Variants in EPHA6 observed in about 807,000 individuals in gnomAD.
EPHA6 encodes the protein EPH receptor A6.
Under a neutral mutation model 112.0 loss-of-function variants are expected in EPHA6, and 50 were observed. That is an observed-to-expected ratio of 0.45 (90% CI 0.36 to 0.56). The LOEUF (loss-of-function observed/expected upper bound fraction) is 0.56, where lower values mean the gene tolerates loss of function less well. Ranked by LOEUF, EPHA6 falls within the 20% of genes least tolerant of loss-of-function variation. EPHA6 has a pLI of 0.00. For missense variants in EPHA6, 1,280 were observed against 1,417.4 expected (o/e 0.90, Z 1.56); for synonymous variants, 529 against 490.7 (o/e 1.08, Z -1.03).
At chr3:97,036,081 C>T (rs1378142752) in intron 3 of EPHA6, among the ~76,000 whole-genome samples, 7 of 151,912 alleles carry the variant, frequency 4.6e-5, no homozygotes, top group African/African-American at 1.2e-4. Flanking sequence ...CACCAAATAC[C>T]GAATATGCCA....
At chr3:97,515,210 A>G (rs1482613010) in intron 10 of EPHA6, among the ~76,000 whole-genome samples, 1 of 152,202 alleles carries the variant, frequency 6.6e-6, no homozygotes, top group African/African-American at 2.4e-5. Context: ...CAGTAGCCTG[A>G]TTGTGGGAGG....
At chr3:97,411,418 A>G (rs2087709215) in intron 6 of EPHA6, among the ~76,000 whole-genome samples, 2 of 152,232 alleles carry the variant, frequency 1.3e-5, no homozygotes, top group South Asian at 2.1e-4. Flanking sequence ...CTGCAAACAC[A>G]TGAAAATTAC....
chr3:97,119,116 C>T (rs2047973514), intron 3 of EPHA6, among the ~76,000 whole-genome samples: 1 of 151,936 alleles, frequency 6.6e-6, no homozygotes. Context: ...ATTGTGTTAG[C>T]CAGGCTCCCA....
At position 96,988,002 on chromosome 3, in the gene EPHA6, C is replaced by T. The variant is rs767773758; in HGVS notation, c.1114+9C>T. ...TGAGGGTTCTTGCCATGGTAAGAAA[C>T]AAACATTTAAATAATTTATCTTGCA... is the stretch of plus-strand genomic sequence containing the variant. On this transcript the variant is annotated intron_variant, in intron 3 of 17. Transcript: ENST00000389672. The T allele has an allele frequency of 6.5e-6, 10 of 1,528,380 alleles. No individual in the cohort carries two copies. Among genetic ancestry groups the T allele is most frequent in the Non-Finnish European group, 7.9e-6 (9 of 1,136,222 alleles). The allele number at this position is 1,528,380 out of a possible 1,614,324, so 94.7% of individuals were successfully genotyped here.
At chr3:97,668,413 C>T (rs961028977) in intron 14 of EPHA6, among the ~76,000 whole-genome samples, 28 of 152,224 alleles carry the variant, frequency 1.8e-4, no homozygotes, top group African/African-American at 6.5e-4. Context: ...GTCAGAAATC[C>T]TCAGATTCAC....
chr3:97,162,043 C>A (rs1365067371), intron 3 of EPHA6, among the ~76,000 whole-genome samples: 1 of 152,164 alleles, frequency 6.6e-6, no homozygotes, highest in Non-Finnish European at 1.5e-5. Flanking sequence ...ATATCAGGTA[C>A]AAGATGAAAC....
intron 11 of EPHA6, among the ~76,000 whole-genome samples, chr3:97,571,371 C>CT (rs1329342420): frequency 1.3e-5 from 2 of 149,972 alleles, no homozygotes; most frequent in African/African-American, 4.9e-5. Context: ...AAAAACCCTC[C>CT]TTAAAAAAAA....
chr3:97,456,730 T>TCAGGA (rs1178965185), intron 7 of EPHA6, among the ~76,000 whole-genome samples: 7 of 152,322 alleles, frequency 4.6e-5, no homozygotes, highest in Admixed American at 4.6e-4. Context: ...AGAGAGTTCC[T>TCAGGA]GATTTATGTC....
chr3:97,372,136 C>T (rs2085093034), intron 5 of EPHA6, among the ~76,000 whole-genome samples: 1 of 152,078 alleles, frequency 6.6e-6, no homozygotes, highest in Non-Finnish European at 1.5e-5. Context: ...CACTCCCTCC[C>T]CTTTTGAAAA....
intron 5 of EPHA6, among the ~76,000 whole-genome samples, chr3:97,402,166 T>C (rs1330394939): frequency 6.6e-6 from 1 of 152,092 alleles, no homozygotes; most frequent in Admixed American, 6.5e-5. Context: ...ATTAGTTAGG[T>C]CCATTTGGTC....
At chr3:96,928,063 C>A (rs926837725) in intron 2 of EPHA6, among the ~76,000 whole-genome samples, 1 of 152,184 alleles carries the variant, frequency 6.6e-6, no homozygotes, top group African/African-American at 2.4e-5. Context: ...GTCAGGAGAA[C>A]AGCATAGGGT....
chr3:97,624,562 T>G (rs2093840262), intron 13 of EPHA6, among the ~76,000 whole-genome samples: 1 of 151,562 alleles, frequency 6.6e-6, no homozygotes. Flanking sequence ...GTAATGTTCA[T>G]GGAATGAATC....
At chr3:97,162,188 T>G (rs2076430126) in intron 3 of EPHA6, among the ~76,000 whole-genome samples, 1 of 152,182 alleles carries the variant, frequency 6.6e-6, no homozygotes, top group Non-Finnish European at 1.5e-5. Flanking sequence ...GGAATCACCA[T>G]TCCTCCATCT....
At position 97,358,285 on chromosome 3, in the gene EPHA6, C is replaced by G. The variant is rs1019952234; in HGVS notation, c.1607-46865C>G. ...TTATTATGGGCATTACATCTAACATCCTGAAGTTACAACACTCTAATTTGA... is the reference window on the plus strand; with the variant it reads ...TTATTATGGGCATTACATCTAACATGCTGAAGTTACAACACTCTAATTTGA... On this transcript the variant is annotated intron_variant, in intron 5 of 17. Coordinates refer to ENST00000389672, the MANE Select transcript of EPHA6 (RefSeq NM_001080448.3). Among the ~76,000 whole-genome samples the G allele has an allele frequency of 1.3e-5, 2 of 151,836 alleles. 1 individual carries two copies. Among genetic ancestry groups the G allele is most frequent in the South Asian group, 4.2e-4 (2 of 4,804 alleles).
At chr3:97,392,768 A>G (rs1031064962) in intron 5 of EPHA6, among the ~76,000 whole-genome samples, 1 of 151,658 alleles carries the variant, frequency 6.6e-6, no homozygotes, top group Non-Finnish European at 1.5e-5. Context: ...TCATCTACTT[A>G]TTAATGACTT....
Position 97,315,283 on chromosome 3 carries a change from C to T in EPHA6, c.1606+70996C>T, listed in dbSNP as rs180895899. Among the ~76,000 whole-genome samples, 10 of 151,658 alleles carry T rather than the reference C, an allele frequency of 6.6e-5. No homozygotes were observed. In the South Asian group the frequency reaches 8.3e-4, roughly 13 times the overall value. On this transcript the variant is annotated intron_variant, in intron 5 of 17. Coordinates refer to ENST00000389672, the MANE Select transcript of EPHA6 (RefSeq NM_001080448.3). The stretch of plus-strand genomic sequence containing the variant: ...TTTTACAGTTTAAAATTAGGGATCA[C>T]GAGAAATAAAGTTTGTGTAAAGGAA...
In EPHA6 at chr3:97,756,262, C is replaced by G. The variant is rs1306817081; in HGVS notation, c.*7561C>G. Among the ~76,000 whole-genome samples, 1 of 151,858 alleles carries G rather than the reference C, an allele frequency of 6.6e-6. No individual in the cohort carries two copies. The highest frequency in any genetic ancestry group is 1.5e-5 in the Non-Finnish European group (1 of 67,824). On this transcript the variant is annotated 3_prime_UTR_variant, in exon 18 of 18. Transcript: ENST00000389672. ...TGCTCAAAATTGTAGCCTTTAGAAG[C>G]TCTATAACAAAAATCAATGGCCAAT...
rs563300427 is a variant in EPHA6 at position 97,757,171 on chromosome 3, A to C, written c.*8470A>C. The stretch of plus-strand genomic sequence containing the variant: ...ACAGTACAAAGAGGAGTTTGTTTTA[A>C]AATTGTTACTTACCTCATTTTAAAA... On this transcript the variant is annotated 3_prime_UTR_variant, in exon 18 of 18. Transcript: ENST00000389672. Among the ~76,000 whole-genome samples the C allele has an allele frequency of 2.8e-4, 42 of 151,968 alleles. 1 individual carries two copies. The South Asian group carries it at 8.5e-3, about 31-fold the overall frequency.
intron 11 of EPHA6, among the ~76,000 whole-genome samples, chr3:97,565,228 C>A (rs58435900): frequency 0.012 from 1,830 of 151,622 alleles, 39 homozygotes; most frequent in African/African-American, 0.041. Context: ...ATTTATAAAT[C>A]ACATGCTATA....
Sources: gnomAD v4.1 joint callset for allele counts (sites outside exome capture counted in the v4.1 genomes callset) on GRCh38, gnomAD v4.1.1 for gene constraint, MANE v1.5 for transcripts, NCBI Gene and HGNC (gene_info 2026-07-23, HGNC 2026-07-21) for gene names.